PCDHA10: variants seen among roughly 807,000 people sequenced by gnomAD.
PCDHA10 encodes the protein protocadherin alpha 10.
In PCDHA10, 45 loss-of-function variants were observed where a neutral mutation model predicts 61.2. That is an observed-to-expected ratio of 0.74 (90% confidence interval 0.58 to 0.94). PCDHA10 has a LOEUF of 0.94. PCDHA10 is among the 40% of genes least tolerant of loss of function. PCDHA10 has a pLI of 0.00. For missense variants in PCDHA10, 1,278 were observed against 1,236.2 expected (o/e 1.03, Z -0.51); for synonymous variants, 602 against 548.8 (o/e 1.10, Z -1.35).
intron 1 of PCDHA10, among the ~76,000 whole-genome samples, chr5:140,873,862 T>A (rs188055479): frequency 4.1e-4 from 62 of 152,308 alleles, no homozygotes; most frequent in Admixed American, 1.1e-3. Context: ...GTTTTCACCA[T>A]GTTGGCCAGG....
chr5:140,860,923 G>A (rs1419430467), intron 1 of PCDHA10: 5 of 152,248 alleles, frequency 3.3e-5, no homozygotes, highest in African/African-American at 9.7e-5. Flanking sequence ...ATTTTTAGTA[G>A]AGACGAGGTT....
In PCDHA10 at chr5:140,869,686, A is replaced by T. The variant is rs782130952; in HGVS notation, c.2388+11250A>T. ...TAAGCAGATTAAAAGACTGTCACTT[A>T]TTTTAAAGAAGTCTCTGGATAGAGA... On this transcript the variant is annotated intron_variant, in intron 1 of 3. Transcript: ENST00000307360. The T allele has an allele frequency of 5.6e-6, 9 of 1,613,330 alleles. No homozygotes were observed. In the African/African-American group the frequency reaches 1.2e-4, roughly 22 times the overall value.
intron 1 of PCDHA10, among the ~76,000 whole-genome samples, chr5:140,924,739 ACAAAAATTAACCGAG>A (rs2081980485): frequency 6.6e-6 from 1 of 151,884 alleles, no homozygotes; most frequent in Non-Finnish European, 1.5e-5. Flanking sequence ...TAATAAAAAT[ACAAAAATTAACCGAG>A]CATGGTGGTG....
At chr5:140,969,593 T>C (rs2153780223) in intron 1 of PCDHA10, 1 of 829,524 alleles carries the variant, frequency 1.2e-6, no homozygotes, top group Non-Finnish European at 1.8e-6. Context: ...AGTCTTAATA[T>C]TTAATGCTAA....
chr5:140,874,901 T>G (rs896201686), intron 1 of PCDHA10, among the ~76,000 whole-genome samples: 2 of 152,208 alleles, frequency 1.3e-5, no homozygotes, highest in Admixed American at 1.3e-4. Context: ...TCTAAAATCT[T>G]ACGATGGAGT....
At chr5:140,870,385 G>C (rs548890657) in intron 1 of PCDHA10, 2 of 1,614,240 alleles carry the variant, frequency 1.2e-6, no homozygotes, top group African/African-American at 2.7e-5. Context: ...GACTGCGCGG[G>C]ATGGGGGTTC....
intron 1 of PCDHA10, among the ~76,000 whole-genome samples, chr5:140,911,590 C>A (rs778543832): frequency 3.3e-5 from 5 of 152,156 alleles, no homozygotes; most frequent in Non-Finnish European, 4.4e-5. Context: ...TAGGAGGAAC[C>A]AACCAACTTC....
At chr5:140,967,102 G>A (rs1279026258) in intron 1 of PCDHA10, 1 of 1,612,978 alleles carries the variant, frequency 6.2e-7, no homozygotes, top group African/African-American at 1.3e-5. Context: ...CGCTGTGTGA[G>A]CAGCGGCCTC....
chr5:140,883,702 T>C (rs367854871), intron 1 of PCDHA10: 80 of 1,613,632 alleles, frequency 5.0e-5, no homozygotes, highest in South Asian at 6.6e-5. Context: ...TCACGGTGTC[T>C]GCTCAGGACG....
Position 140,928,756 on chromosome 5 carries a change from C to T in PCDHA10, c.2389-50193C>T. 2.5e-6 allele frequency: 4 copies of T among 1,614,164 alleles called. No individual in the cohort carries two copies. The highest frequency in any genetic ancestry group is 3.4e-6 in the Non-Finnish European group (4 of 1,180,032). On this transcript the variant is annotated intron_variant, in intron 1 of 3. Transcript: ENST00000307360. The stretch of plus-strand genomic sequence containing the variant: ...CAATATAGGTGAGCTCCGTACTGCT[C>T]GCTTAGTTCTTCCCACTGATGCAGT...
At chr5:141,001,978 A>G (rs1331599524) in intron 3 of PCDHA10, among the ~76,000 whole-genome samples, 1 of 152,166 alleles carries the variant, frequency 6.6e-6, no homozygotes, top group Non-Finnish European at 1.5e-5. Context: ...TCTGCGCGGA[A>G]AGCCTGGAAG....
chr5:140,868,148 T>C (rs980442760), intron 1 of PCDHA10: 1 of 152,150 alleles, frequency 6.6e-6, no homozygotes, highest in African/African-American at 2.4e-5. Context: ...ATTGATTCTG[T>C]TACATAAAGT....
chr5:140,863,422 G>T (rs782158453), intron 1 of PCDHA10: 6 of 689,158 alleles, frequency 8.7e-6, no homozygotes, highest in Middle Eastern at 5.8e-4. Flanking sequence ...GTACCGCAGC[G>T]TAGTGGGATC....
intron 3 of PCDHA10, among the ~76,000 whole-genome samples, chr5:140,996,588 G>A (rs1031631617): frequency 3.2e-4 from 49 of 152,082 alleles, no homozygotes; most frequent in Admixed American, 2.0e-3. Flanking sequence ...AACAAGGGCC[G>A]CCTCCCCCCA....
At chr5:140,906,045 T>C (rs1002159774) in intron 1 of PCDHA10, among the ~76,000 whole-genome samples, 3 of 152,194 alleles carry the variant, frequency 2.0e-5, no homozygotes, top group African/African-American at 7.2e-5. Flanking sequence ...GCTTTTATTC[T>C]GGCTGCACTG....
chr5:140,880,063 G>A (rs750549371), intron 1 of PCDHA10, among the ~76,000 whole-genome samples: 2 of 151,982 alleles, frequency 1.3e-5, no homozygotes, highest in Non-Finnish European at 2.9e-5. Flanking sequence ...AACTTTTTGG[G>A]GACCACAATT....
chr5:140,870,475 G>T, intron 1 of PCDHA10: 2 of 1,614,214 alleles, frequency 1.2e-6, no homozygotes, highest in Non-Finnish European at 1.7e-6. Flanking sequence ...CGCACAGCCC[G>T]AGTACACCGT....
intron 1 of PCDHA10, among the ~76,000 whole-genome samples, chr5:140,952,331 T>G (rs1302386893): frequency 1.8e-5 from 2 of 112,488 alleles, no homozygotes; most frequent in African/African-American, 7.8e-5. Context: ...AGAGTGAAAC[T>G]CCATCTCAAA....
chr5:141,010,129 G>A lies in PCDHA10; in HGVS notation c.*192G>A, dbSNP rs781919488. The A allele has an allele frequency of 3.7e-6, 6 of 1,601,792 alleles. No individual in the cohort carries two copies. The highest frequency in any genetic ancestry group is 5.1e-6 in the Non-Finnish European group (6 of 1,173,386). On this transcript the variant is annotated 3_prime_UTR_variant, in exon 4 of 4. Coordinates refer to ENST00000307360, the MANE Select transcript of PCDHA10 (RefSeq NM_018901.4). Reference sequence around the variant, plus strand: ...TGTCGTAAAAGCTTTACTAAGTCTGGTGTTAACTCTTTCTCTCCACTCTGG... The same window carrying A: ...TGTCGTAAAAGCTTTACTAAGTCTGATGTTAACTCTTTCTCTCCACTCTGG...
Sources: gnomAD v4.1 joint callset for allele counts (sites outside exome capture counted in the v4.1 genomes callset) on GRCh38, gnomAD v4.1.1 for gene constraint, MANE v1.5 for transcripts, NCBI Gene and HGNC (gene_info 2026-07-23, HGNC 2026-07-21) for gene names.